The following TMEM132C variants were observed in gnomAD, a reference collection of about 807,000 sequenced individuals.
The protein encoded by TMEM132C is protein phosphatase 1, regulatory subunit 152.
A neutral mutation model predicts 61.4 loss-of-function variants in TMEM132C; 29 were observed. The observed-to-expected ratio is 0.47, with a 90% confidence interval of 0.35 to 0.64. TMEM132C has a LOEUF of 0.64. Among genes scored for constraint, TMEM132C ranks in the 30% least tolerant of loss-of-function variants. The pLI is 0.00. For missense variants in TMEM132C, 1,408 were observed against 1,476.9 expected, an observed-to-expected ratio of 0.95 and a Z score of 0.76; for synonymous variants, 656 against 633.1, an observed-to-expected ratio of 1.04 and a Z score of -0.54.
At chr12:128,388,933 C>T (rs1489762883) in intron 1 of TMEM132C, among the ~76,000 whole-genome samples, 1 of 152,162 alleles carries the variant, frequency 6.6e-6, no homozygotes, top group Non-Finnish European at 1.5e-5. Context: ...ACTGAATTCA[C>T]AGGAGGCTGC....
At chr12:128,606,613 C>T (rs1876436716) in intron 3 of TMEM132C, among the ~76,000 whole-genome samples, 1 of 152,152 alleles carries the variant, frequency 6.6e-6, no homozygotes, top group Admixed American at 6.5e-5. Context: ...GTGCAGCTGC[C>T]CCTAAATGTG....
At chr12:128,478,090 C>T (rs1871209261) in intron 2 of TMEM132C, among the ~76,000 whole-genome samples, 1 of 152,126 alleles carries the variant, frequency 6.6e-6, no homozygotes, top group Non-Finnish European at 1.5e-5. Flanking sequence ...TTTAAAGTTG[C>T]AACAGTTTGC....
chr12:128,465,774 G>T (rs1484959471), intron 2 of TMEM132C, among the ~76,000 whole-genome samples: 1 of 152,218 alleles, frequency 6.6e-6, no homozygotes, highest in Non-Finnish European at 1.5e-5. Context: ...ACGCGTTAAG[G>T]TGCAGAACCT....
At position 128,518,078 on chromosome 12, in the gene TMEM132C, T is replaced by A. The variant is rs957712405; in HGVS notation, c.975-25879T>A. ...GAAAGCATGGTTAAGCTCCAGCCTTTTCTCTTTTATTAGAATCGACATCTT... is the reference window on the plus strand; with the variant it reads ...GAAAGCATGGTTAAGCTCCAGCCTTATCTCTTTTATTAGAATCGACATCTT... On this transcript the variant is annotated intron_variant, in intron 2 of 8. Transcript: ENST00000435159. 2.6e-5 allele frequency among the ~76,000 whole-genome samples: 4 copies of A among 152,228 alleles called. No individual in the cohort carries two copies. In the East Asian group the frequency reaches 7.7e-4, roughly 29 times the overall value.
intron 1 of TMEM132C, among the ~76,000 whole-genome samples, chr12:128,283,519 T>C (rs2135901240): frequency 6.6e-6 from 1 of 152,258 alleles, no homozygotes; most frequent in East Asian, 1.9e-4. Context: ...TACTGTTCTG[T>C]ATCTAGGCAT....
At chr12:128,392,064 T>TCTCTCTCTCTCTCTCTCTCTC (rs1555222005) in intron 1 of TMEM132C, among the ~76,000 whole-genome samples, 2 of 130,494 alleles carry the variant, frequency 1.5e-5, no homozygotes, top group African/African-American at 6.5e-5. Context: ...CTCTCTCTCT[T>TCTCTCTCTCTCTCTCTCTCTC]TCTCTCTCTC....
chr12:128,483,253 G>A (rs186956906), intron 2 of TMEM132C, among the ~76,000 whole-genome samples: 441 of 44,786 alleles, frequency 9.8e-3, no homozygotes, highest in Non-Finnish European at 0.02. Context: ...GGGCAACAGA[G>A]CAAGACCCTG....
chr12:128,499,664 T>A (rs998659062), intron 2 of TMEM132C, among the ~76,000 whole-genome samples: 7 of 152,214 alleles, frequency 4.6e-5, no homozygotes, highest in African/African-American at 1.7e-4. Flanking sequence ...GCCTGGCTTA[T>A]TTCACTGAAC....
chr12:128,436,526 C>G (rs1457327577), intron 2 of TMEM132C, among the ~76,000 whole-genome samples: 1 of 152,140 alleles, frequency 6.6e-6, no homozygotes, highest in Non-Finnish European at 1.5e-5. Flanking sequence ...ATTTATGCAG[C>G]CAACAGACAC....
At chr12:128,291,535 G>A (rs1193401) in intron 1 of TMEM132C, among the ~76,000 whole-genome samples, 147,244 of 152,300 alleles carry the variant, frequency 0.97, 71,235 homozygotes, top group East Asian at 1. Context: ...GGTGAAAGGG[G>A]GAGGAGAGTC....
chr12:128,408,866 C>A (rs551061899), intron 1 of TMEM132C, among the ~76,000 whole-genome samples: 118 of 152,280 alleles, frequency 7.7e-4, no homozygotes, highest in Non-Finnish European at 1.4e-3. Context: ...CTTTGATCTG[C>A]TCGCCAGTGT....
At position 128,695,868 on chromosome 12, in the gene TMEM132C, G is replaced by T. The variant is rs770949094; in HGVS notation, c.1694G>T (p.Arg565Leu). The change falls in exon 7 of 9, where the codon CGG (arginine) becomes CTG (leucine). Residue 565 changes from arginine to leucine, a missense_variant. Physicochemically the swap from Arg to Leu is moderately radical, Grantham distance 102 (BLOSUM62 -2). Coordinates refer to ENST00000435159, the MANE Select transcript of TMEM132C (RefSeq NM_001136103.3). ...RESEDEDEEE[R>L]RGRGCALQYQ... ...AGCGAGGATGAGGACGAGGAGGAGCGGCGGGGCCGGGGCTGCGCACTGCAA... is the reference window on the plus strand; with the variant it reads ...AGCGAGGATGAGGACGAGGAGGAGCTGCGGGGCCGGGGCTGCGCACTGCAA... 3 of 1,547,860 alleles carry T rather than the reference G, an allele frequency of 1.9e-6. No individual in the cohort carries two copies. The highest frequency in any genetic ancestry group is 2.6e-6 in the Non-Finnish European group (3 of 1,144,614).
intron 1 of TMEM132C, among the ~76,000 whole-genome samples, chr12:128,368,127 C>T (rs1025068801): frequency 2.0e-5 from 3 of 152,236 alleles, no homozygotes; most frequent in East Asian, 3.9e-4. Flanking sequence ...GATCTAGCCA[C>T]CAGCCAGGGT....
chr12:128,540,454 A>G (rs1873696746), intron 2 of TMEM132C, among the ~76,000 whole-genome samples: 1 of 151,988 alleles, frequency 6.6e-6, no homozygotes, highest in African/African-American at 2.4e-5. Flanking sequence ...GGTTTTTGCC[A>G]TGTTGGCCAG....
At chr12:128,645,205 C>A (rs539457138) in intron 4 of TMEM132C, among the ~76,000 whole-genome samples, 5 of 152,282 alleles carry the variant, frequency 3.3e-5, no homozygotes, top group Non-Finnish European at 7.4e-5. Context: ...TGGACTATGG[C>A]GCTGTGGCTT....
chr12:128,605,354 C>A (rs1363103267), intron 3 of TMEM132C, among the ~76,000 whole-genome samples: 1 of 152,240 alleles, frequency 6.6e-6, no homozygotes, highest in East Asian at 1.9e-4. Flanking sequence ...GAGGAATTCC[C>A]TCTTACTCTG....
intron 1 of TMEM132C, among the ~76,000 whole-genome samples, chr12:128,382,974 G>A (rs572093305): frequency 6.6e-6 from 1 of 151,940 alleles, no homozygotes; most frequent in Non-Finnish European, 1.5e-5. Flanking sequence ...GTGTGTACAG[G>A]TCTGTCTCTG....
At position 128,648,269 on chromosome 12, in the gene TMEM132C, C is replaced by T. The variant is rs140172737; in HGVS notation, c.1306-21148C>T. On this transcript the variant is annotated intron_variant, in intron 4 of 8. Transcript: ENST00000435159. ...TGTGGGTGTGTTTACTGGAGTCCAT[C>T]AGCGTTGGATATGAGTGTGTTTACT... Among the ~76,000 whole-genome samples, 807 of 149,984 alleles carry T rather than the reference C, an allele frequency of 5.4e-3. 6 individuals carry two copies. The highest frequency in any genetic ancestry group is 6.9e-3 in the Non-Finnish European group (466 of 67,692).
chr12:128,503,178 G>T (rs1229751411), intron 2 of TMEM132C, among the ~76,000 whole-genome samples: 2 of 151,498 alleles, frequency 1.3e-5, no homozygotes, highest in African/African-American at 4.8e-5. Flanking sequence ...AAAAGTTGTA[G>T]ACTATCATTG....
Sources: gnomAD v4.1 joint callset for allele counts (sites outside exome capture counted in the v4.1 genomes callset) on GRCh38, gnomAD v4.1.1 for gene constraint, MANE v1.5 for transcripts, NCBI Gene and HGNC (gene_info 2026-07-23, HGNC 2026-07-21) for gene names.